KIAA1217: variants seen among roughly 807,000 people sequenced by gnomAD.
KIAA1217 encodes the protein sickle tail protein homolog.
Under a neutral mutation model 163.9 loss-of-function variants are expected in KIAA1217, and 88 were observed. That is an observed-to-expected ratio of 0.54 (90% CI 0.45 to 0.64). The LOEUF (loss-of-function observed/expected upper bound fraction) is 0.64, where lower values mean the gene tolerates loss of function less well. Among genes scored for constraint, KIAA1217 ranks in the 30% least tolerant of loss-of-function variants. The pLI, the probability that KIAA1217 is intolerant of heterozygous loss-of-function variation, is 0.00. For missense variants in KIAA1217, 2,372 were observed against 2,475.0 expected (o/e 0.96, Z 0.88); for synonymous variants, 903 against 923.1 (o/e 0.98, Z 0.39).
At chr10:24,522,979 G>A (rs1176858435) in intron 12 of KIAA1217, among the ~76,000 whole-genome samples, 2 of 149,610 alleles carry the variant, frequency 1.3e-5, no homozygotes, top group Non-Finnish European at 3.0e-5. Flanking sequence ...CAGCTTCATG[G>A]AGATGATTAT....
rs149646423 is a variant in KIAA1217 at position 24,351,098 on chromosome 10, A to G, written c.355-29771A>G. On this transcript the variant is annotated intron_variant, in intron 2 of 20. Coordinates refer to ENST00000376454, the MANE Select transcript of KIAA1217 (RefSeq NM_019590.5). ...AAGTAGCTGGAATTACAGGCATGCGACCATACGCAGAGCTAATTTTTGTAT... is the reference window on the plus strand; with the variant it reads ...AAGTAGCTGGAATTACAGGCATGCGGCCATACGCAGAGCTAATTTTTGTAT... 1.7e-3 allele frequency among the ~76,000 whole-genome samples: 257 copies of G among 152,012 alleles called. 1 individual carries two copies. Among genetic ancestry groups the G allele is most frequent in the African/African-American group, 5.8e-3 (241 of 41,456 alleles).
intron 1 of KIAA1217, among the ~76,000 whole-genome samples, chr10:24,004,164 A>C (rs1485013926): frequency 6.6e-6 from 1 of 152,006 alleles, no homozygotes; most frequent in Non-Finnish European, 1.5e-5. Context: ...ATTTTAGTAG[A>C]GACGGGGTTT....
At chr10:23,790,314 CATATGCACATATGCAT>C (rs1362874074) in intron 1 of KIAA1217, among the ~76,000 whole-genome samples, 1 of 102,238 alleles carries the variant, frequency 9.8e-6, no homozygotes. Flanking sequence ...TGCATATATA[CATATGCACATATGCAT>C]ATATGCATAT....
chr10:24,176,831 G>C (rs1256675082), intron 2 of KIAA1217, among the ~76,000 whole-genome samples: 1 of 152,206 alleles, frequency 6.6e-6, no homozygotes, highest in Non-Finnish European at 1.5e-5. Context: ...GGCAGGGGAG[G>C]CTCAGGCATG....
intron 1 of KIAA1217, among the ~76,000 whole-genome samples, chr10:24,000,599 G>C (rs1263651776): frequency 6.6e-6 from 1 of 152,232 alleles, no homozygotes; most frequent in Non-Finnish European, 1.5e-5. Flanking sequence ...AACACAATGT[G>C]TATCTTGTAG....
intron 1 of KIAA1217, among the ~76,000 whole-genome samples, chr10:23,753,670 T>G (rs2130839843): frequency 6.6e-6 from 1 of 152,280 alleles, no homozygotes; most frequent in South Asian, 2.1e-4. Flanking sequence ...GGAGTACAAA[T>G]TGGGGGTCTA....
At chr10:24,224,604 G>A (rs547206136) in intron 2 of KIAA1217, among the ~76,000 whole-genome samples, 1 of 152,190 alleles carries the variant, frequency 6.6e-6, no homozygotes, top group South Asian at 2.1e-4. Context: ...ACAGGTGTGA[G>A]CCACTGCACC....
chr10:24,423,747 G>C (rs995310481), intron 3 of KIAA1217, among the ~76,000 whole-genome samples: 1 of 152,152 alleles, frequency 6.6e-6, no homozygotes, highest in African/African-American at 2.4e-5. Flanking sequence ...TGTTGCCCAG[G>C]TTGGTCTCAA....
At chr10:23,737,472 T>A (rs1157358682) in intron 1 of KIAA1217, among the ~76,000 whole-genome samples, 1 of 152,022 alleles carries the variant, frequency 6.6e-6, no homozygotes, top group African/African-American at 2.4e-5. Flanking sequence ...GGATTACAGG[T>A]GTGAGTCACC....
chr10:24,292,332 G>A (rs932072815), intron 2 of KIAA1217, among the ~76,000 whole-genome samples: 1 of 152,184 alleles, frequency 6.6e-6, no homozygotes, highest in African/African-American at 2.4e-5. Flanking sequence ...TTGGAGCTCA[G>A]AATTAACCAC....
intron 2 of KIAA1217, among the ~76,000 whole-genome samples, chr10:24,241,143 G>A (rs1360118463): frequency 2.6e-5 from 4 of 152,074 alleles, no homozygotes; most frequent in Non-Finnish European, 5.9e-5. Flanking sequence ...CACTGCACCC[G>A]GCCTTGGCTA....
chr10:24,034,954 G>C (rs1381643599), intron 2 of KIAA1217, among the ~76,000 whole-genome samples: 1 of 152,302 alleles, frequency 6.6e-6, no homozygotes, highest in East Asian at 1.9e-4. Context: ...GCATTTTGGG[G>C]TCTGGCACAC....
Position 24,438,429 on chromosome 10 carries a change from C to G in KIAA1217, c.796C>G (p.Pro266Ala), listed in dbSNP as rs369280099. 9 of 1,613,398 alleles carry G rather than the reference C, an allele frequency of 5.6e-6. No individual in the cohort carries two copies. In the African/African-American group the frequency reaches 1.1e-4, roughly 19 times the overall value. ...ACTCCTCAAAGTGTACAACAAGGAT[C>G]CTGCACATGCGTTTAATCACACACC... ...RSLLKVYNKD[P>A]AHAFNHTPKT... Residue 266 changes from proline (P) to alanine (A), a missense_variant, in exon 5 of 21, where the codon CCT (proline) becomes GCT (alanine). Pro to Ala is a conservative substitution (Grantham distance 27). Around this residue, in one of 3 missense-constraint regions of KIAA1217, gnomAD observed 1,431 missense variants for 1,470.3 expected, o/e 0.97. Coordinates refer to ENST00000376454, the MANE Select transcript of KIAA1217 (RefSeq NM_019590.5).
chr10:24,456,961 C>T (rs571870811), intron 5 of KIAA1217, among the ~76,000 whole-genome samples: 1 of 151,990 alleles, frequency 6.6e-6, no homozygotes, highest in Admixed American at 6.6e-5. Flanking sequence ...CTGGGCCTCC[C>T]GAAGTGCTGG....
intron 2 of KIAA1217, among the ~76,000 whole-genome samples, chr10:24,343,642 T>A (rs1360668274): frequency 1.3e-5 from 2 of 152,240 alleles, no homozygotes; most frequent in African/African-American, 4.8e-5. Flanking sequence ...AATTGTATTT[T>A]TAGAAAGAAC....
At chr10:23,936,406 G>A (rs1036801856) in intron 1 of KIAA1217, among the ~76,000 whole-genome samples, 1 of 152,170 alleles carries the variant, frequency 6.6e-6, no homozygotes, top group African/African-American at 2.4e-5. Flanking sequence ...TCCAGCCCCA[G>A]TACTTGTGAA....
intron 1 of KIAA1217, among the ~76,000 whole-genome samples, chr10:23,928,849 A>G (rs921792635): frequency 3.3e-5 from 5 of 152,220 alleles, no homozygotes; most frequent in African/African-American, 9.7e-5. Context: ...TAAAAAGGGC[A>G]AGGTGATAGC....
At chr10:23,844,692 G>A (rs912944837) in intron 1 of KIAA1217, among the ~76,000 whole-genome samples, 9 of 151,234 alleles carry the variant, frequency 6.0e-5, no homozygotes, top group Non-Finnish European at 1.2e-4. Flanking sequence ...TTGGTTCTAG[G>A]TCCTCTTTTC....
chr10:23,763,204 T>C (rs977419428), intron 1 of KIAA1217, among the ~76,000 whole-genome samples: 1 of 152,148 alleles, frequency 6.6e-6, no homozygotes, highest in African/African-American at 2.4e-5. Flanking sequence ...AATTTATAGA[T>C]TCAATGCTGT....
Sources: gnomAD v4.1 joint callset for allele counts (sites outside exome capture counted in the v4.1 genomes callset) on GRCh38, gnomAD v4.1.1 for gene constraint, gnomAD v4.1.1 regional missense constraint, MANE v1.5 for transcripts, NCBI Gene and HGNC (gene_info 2026-07-23, HGNC 2026-07-21) for gene names.